The following SMYD3 variants were observed in gnomAD, a reference collection of about 807,000 sequenced individuals.
The protein encoded by SMYD3 is histone-lysine N-methyltransferase SMYD3.
SMYD3 carries 36 observed loss-of-function variants against 57.7 expected under a neutral mutation model. That is an observed-to-expected ratio of 0.62 (90% CI 0.48 to 0.82). SMYD3 has a LOEUF of 0.82. Ranked by LOEUF, SMYD3 falls within the 40% of genes least tolerant of loss-of-function variation. SMYD3 has a pLI of 0.00. For synonymous variants in SMYD3, 211 were observed against 195.0 expected, an observed-to-expected ratio of 1.08 and a Z score of -0.68; for missense variants, 515 against 538.8, an observed-to-expected ratio of 0.96 and a Z score of 0.44.
chr1:245,903,895 G>A (rs1467400971), intron 8 of SMYD3, among the ~76,000 whole-genome samples: 1 of 152,198 alleles, frequency 6.6e-6, no homozygotes, highest in Non-Finnish European at 1.5e-5. Context: ...CTGGGCCTGT[G>A]ATGGGAGGGG....
intron 11 of SMYD3, among the ~76,000 whole-genome samples, chr1:245,763,388 G>C (rs1296175700): frequency 6.6e-6 from 1 of 152,176 alleles, no homozygotes; most frequent in Non-Finnish European, 1.5e-5. Flanking sequence ...TGGGCAGAGA[G>C]CTGTAGGGGT....
chr1:246,380,902 G>T (rs1186681615), intron 1 of SMYD3, among the ~76,000 whole-genome samples: 2 of 152,212 alleles, frequency 1.3e-5, no homozygotes, highest in East Asian at 3.8e-4. Context: ...CTAGGGTAAG[G>T]TAAAGGCAAA....
intron 5 of SMYD3, among the ~76,000 whole-genome samples, chr1:246,281,117 C>A (rs1388990500): frequency 6.6e-6 from 1 of 152,158 alleles, no homozygotes; most frequent in Non-Finnish European, 1.5e-5. Flanking sequence ...CAGGTACTTA[C>A]AGGCATTTAT....
intron 5 of SMYD3, among the ~76,000 whole-genome samples, chr1:246,256,857 G>A (rs1184610068): frequency 6.6e-6 from 1 of 152,016 alleles, no homozygotes; most frequent in Non-Finnish European, 1.5e-5. Flanking sequence ...AGAGGTTTTG[G>A]TACCTGTGCC....
intron 10 of SMYD3, among the ~76,000 whole-genome samples, chr1:245,799,677 C>T (rs149577988): frequency 7.6e-4 from 115 of 152,290 alleles, no homozygotes; most frequent in Non-Finnish European, 1.2e-3. Context: ...TGGCTGCTGA[C>T]GCTGGTAGAG....
intron 7 of SMYD3, among the ~76,000 whole-genome samples, chr1:245,919,439 C>T (rs2055699733): frequency 6.6e-6 from 1 of 152,188 alleles, no homozygotes; most frequent in African/African-American, 2.4e-5. Flanking sequence ...TCCTGAGAGC[C>T]TCTCATCCTC....
At chr1:245,979,038 T>C (rs990932652) in intron 5 of SMYD3, among the ~76,000 whole-genome samples, 7 of 152,168 alleles carry the variant, frequency 4.6e-5, no homozygotes, top group Non-Finnish European at 1.0e-4. Context: ...GGAACGTGGC[T>C]CTCTGCTCCA....
intron 5 of SMYD3, chr1:245,947,410 C>G (rs2057461100): frequency 2.2e-6 from 1 of 456,950 alleles, no homozygotes; most frequent in Non-Finnish European, 4.4e-6. Flanking sequence ...TCCTCCATAT[C>G]CCCCCAAAAC....
chr1:245,930,642 G>A (rs1558506303), intron 5 of SMYD3: 1 of 152,772 alleles, frequency 6.5e-6, no homozygotes, highest in Non-Finnish European at 1.5e-5. Context: ...CATGGAAAGA[G>A]CACTGGACCA....
intron 5 of SMYD3, among the ~76,000 whole-genome samples, chr1:246,038,499 T>C (rs2059815577): frequency 6.6e-6 from 1 of 152,214 alleles, no homozygotes; most frequent in African/African-American, 2.4e-5. Context: ...AGCCAGGACG[T>C]ACCTATCCAC....
rs2045971299 is a variant in SMYD3 at position 245,764,147 on chromosome 1, A to G, written c.1079T>C (p.Ile360Thr). Residue 360 changes from isoleucine to threonine, a missense_variant and splice_region_variant, in exon 11 of 12, where the codon ATT (isoleucine) becomes ACT (threonine). Coordinates refer to ENST00000490107, the MANE Select transcript of SMYD3 (RefSeq NM_001167740.2). ...YGTRTMEPYR[I>T]FFPGSHPVRG... ...GACGGGATGGCTTCCTGGGAAAAAA[A>G]TCCTGGAAGAAACCAAACGGCAAAC... is the stretch of plus-strand genomic sequence containing the variant. 1 of 1,612,952 alleles carries G rather than the reference A, an allele frequency of 6.2e-7. No individual in the cohort carries two copies. Among genetic ancestry groups the G allele is most frequent in the Admixed American group, 1.7e-5 (1 of 59,998 alleles).
chr1:246,098,625 C>CTT (rs1003080914), intron 5 of SMYD3, among the ~76,000 whole-genome samples: 1 of 152,128 alleles, frequency 6.6e-6, no homozygotes, highest in Non-Finnish European at 1.5e-5. Context: ...GAGTGACACA[C>CTT]TTTATCTATA....
At chr1:246,057,510 A>G (rs982578997) in intron 5 of SMYD3, among the ~76,000 whole-genome samples, 1 of 152,212 alleles carries the variant, frequency 6.6e-6, no homozygotes, top group African/African-American at 2.4e-5. Context: ...GATGCTCCAC[A>G]TCACATGTCA....
chr1:246,340,242 C>A (rs2152087), intron 2 of SMYD3, among the ~76,000 whole-genome samples: 144,885 of 151,960 alleles, frequency 0.95, 69,092 homozygotes, highest in East Asian at 1. Flanking sequence ...AATATATATT[C>A]AATTACATAA....
intron 10 of SMYD3, among the ~76,000 whole-genome samples, chr1:245,818,034 G>A (rs1343216746): frequency 6.6e-6 from 1 of 151,980 alleles, no homozygotes; most frequent in African/African-American, 2.4e-5. Context: ...TCAGATTCAG[G>A]AAATACAGAG....
At chr1:245,963,652 C>A (rs1029850122) in intron 5 of SMYD3, among the ~76,000 whole-genome samples, 1 of 151,866 alleles carries the variant, frequency 6.6e-6, no homozygotes, top group Non-Finnish European at 1.5e-5. Context: ...CAGAGATCAG[C>A]ACCATAGGAA....
chr1:246,495,165 C>T (rs57768877), intron 1 of SMYD3, among the ~76,000 whole-genome samples: 13,507 of 151,686 alleles, frequency 0.089, 639 homozygotes, highest in Middle Eastern at 0.2. Context: ...CTGGCTAACA[C>T]GGTGAAACCC....
At chr1:246,277,527 G>A (rs2064358152) in intron 5 of SMYD3, among the ~76,000 whole-genome samples, 1 of 152,044 alleles carries the variant, frequency 6.6e-6, no homozygotes, top group African/African-American at 2.4e-5. Context: ...CTCACTACTG[G>A]TATTTATCCA....
intron 5 of SMYD3, among the ~76,000 whole-genome samples, chr1:246,093,599 C>T (rs1321430185): frequency 5.3e-5 from 8 of 152,044 alleles, no homozygotes; most frequent in Admixed American, 3.3e-4. Flanking sequence ...TGGTTATCAG[C>T]GGCTGCGAAC....
Sources: allele counts gnomAD v4.1 joint callset (sites outside exome capture counted in the v4.1 genomes callset), GRCh38; gene constraint gnomAD v4.1.1; transcripts MANE v1.5; gene names NCBI Gene and HGNC (gene_info 2026-07-23, HGNC 2026-07-21).